The following B3GALNT2 variants were observed in gnomAD, a reference collection of about 807,000 sequenced individuals.
The protein encoded by B3GALNT2 is beta-1,3-N-acetylgalactosaminyltransferase 2.
In B3GALNT2, 53 loss-of-function variants were observed where a neutral mutation model predicts 61.1. That is an observed-to-expected ratio of 0.87 (90% CI 0.70 to 1.09). The LOEUF is 1.09. Among genes scored for constraint, B3GALNT2 ranks in the 50% least tolerant of loss-of-function variants. B3GALNT2 has a pLI of 0.00. For missense variants in B3GALNT2, 544 were observed against 623.0 expected (o/e 0.87, Z 1.35); for synonymous variants, 223 against 237.4 (o/e 0.94, Z 0.56).
downstream of B3GALNT2, among the ~76,000 whole-genome samples, chr1:235,446,484 T>C (rs533332252): frequency 4.9e-4 from 74 of 152,182 alleles, no homozygotes; most frequent in African/African-American, 1.8e-3. Context: ...GCTTAAAACC[T>C]ATACATCCTT....
chr1:235,483,325 G>A (rs142080062), intron 4 of B3GALNT2, among the ~76,000 whole-genome samples: 3 of 152,192 alleles, frequency 2.0e-5, no homozygotes, highest in Admixed American at 1.3e-4. Flanking sequence ...TAGAGAGAGC[G>A]AGCGAAGTCA....
intron 1 of B3GALNT2, among the ~76,000 whole-genome samples, chr1:235,502,117 A>G (rs1449498789): frequency 6.6e-6 from 1 of 152,164 alleles, no homozygotes; most frequent in African/African-American, 2.4e-5. Context: ...GGTTCAAGTG[A>G]TTCTCCTGCC....
chr1:235,440,262 G>A, the B3GALNT2 span, among the ~76,000 whole-genome samples: 138 of 152,230 alleles, frequency 9.1e-4, no homozygotes, highest in African/African-American at 2.4e-3. Flanking sequence ...GAGCCACCGC[G>A]CCCAGCCAGG....
In B3GALNT2 at chr1:235,494,698, A is replaced by C. The variant is rs1354023118; in HGVS notation, c.243T>G (p.His81Gln). ...RSTWMRHLLQ[H>Q]PTLSQRVLVK... ...AAACCTACCGTTGACTTAATGTGGG[A>C]TGCTGTAGCAAATGTCTCATCCAGG... Residue 81 changes from histidine to glutamine, a missense_variant, in exon 2 of 12, where the codon CAT becomes CAG. By Grantham distance (24) the His-to-Gln change is conservative (BLOSUM62 0). Transcript: ENST00000366600. 6.2e-7 allele frequency: 1 copy of C among 1,613,072 alleles called. No individual in the cohort carries two copies. Among genetic ancestry groups the C allele is most frequent in the Non-Finnish European group, 8.5e-7 (1 of 1,179,318 alleles).
chr1:235,496,635 G>A (rs917499647), intron 1 of B3GALNT2, among the ~76,000 whole-genome samples: 9 of 148,774 alleles, frequency 6.0e-5, no homozygotes, highest in Middle Eastern at 3.5e-3. Flanking sequence ...AACCTCTGCC[G>A]CCCGGGTTCA....
chr1:235,489,345 A>G (rs1684955528), intron 2 of B3GALNT2, 77 bp from the exon 3 acceptor site: 64 of 1,576,684 alleles, frequency 4.1e-5, no homozygotes, highest in Non-Finnish European at 5.3e-5. Context: ...CCCATTTCAG[A>G]GCTTTTACTT....
chr1:235,479,641 A>ATC (rs1343075039), intron 5 of B3GALNT2: 2 of 156,914 alleles, frequency 1.3e-5, no homozygotes, highest in East Asian at 3.7e-4. Context: ...AACATGGCCC[A>ATC]TCTCTATCAT....
At position 235,447,380 on chromosome 1, in the gene B3GALNT2, C is replaced by T. The variant is rs1325738825; in HGVS notation, c.*2826G>A. Reference sequence around the variant, plus strand: ...CTAAAGCTTCAAGGAAACTCTATTTCTTATAATCAAAATATCCACTATTTA... The same window carrying T: ...CTAAAGCTTCAAGGAAACTCTATTTTTTATAATCAAAATATCCACTATTTA... On this transcript the variant is annotated 3_prime_UTR_variant, in exon 12 of 12. Transcript: ENST00000366600. Among the ~76,000 whole-genome samples the T allele has an allele frequency of 1.3e-5, 2 of 152,180 alleles. No individual in the cohort carries two copies. The highest frequency in any genetic ancestry group is 2.1e-4 in the South Asian group (1 of 4,826).
At position 235,448,843 on chromosome 1, in the gene B3GALNT2, TCTA is replaced by T; in HGVS notation, c.*1360_*1362del. 9.4e-7 allele frequency: 1 copy of T among 1,067,378 alleles called. No individual in the cohort carries two copies. The highest frequency in any genetic ancestry group is 2.4e-5 in the East Asian group (1 of 41,282). The allele number at this position is 1,067,378 out of a possible 1,614,324, so 66.1% of individuals were successfully genotyped here. On this transcript the variant is annotated 3_prime_UTR_variant, in exon 12 of 12. Coordinates refer to ENST00000366600, the MANE Select transcript of B3GALNT2 (RefSeq NM_152490.5). ...GAAATAAATGATTCACTGGAACAATTCTACTGTCAAAACAAAGGGGGTTTACAA... is the reference window on the plus strand; with the variant it reads ...GAAATAAATGATTCACTGGAACAATTCTGTCAAAACAAAGGGGGTTTACAA...
At chr1:235,494,534 G>A (rs1394490394) in intron 2 of B3GALNT2, 147 bp downstream of exon 2, 6 of 784,630 alleles carry the variant, frequency 7.6e-6, no homozygotes, top group Non-Finnish European at 1.2e-5. Flanking sequence ...ATGGCTCACT[G>A]CAGCCTCAAT....
At chr1:235,503,882 T>TG (rs1322340521) in intron 1 of B3GALNT2, among the ~76,000 whole-genome samples, 2 of 152,094 alleles carry the variant, frequency 1.3e-5, no homozygotes, top group African/African-American at 4.8e-5. Context: ...GCGAAGGACT[T>TG]GCAACTGCGG....
At chr1:235,494,653 AG>A in intron 2 of B3GALNT2, 27 bp downstream of exon 2, 1 of 1,598,630 alleles carries the variant, frequency 6.3e-7, no homozygotes, top group Admixed American at 1.7e-5. Context: ...TCAATAAACC[AG>A]GCAAGGCAAC....
rs563249364 is a variant in B3GALNT2 at position 235,462,220 on chromosome 1, G to A, written c.841+3416C>T. Among the ~76,000 whole-genome samples, 13 of 152,312 alleles carry A rather than the reference G, an allele frequency of 8.5e-5. No homozygotes were observed. In the East Asian group the frequency reaches 2.5e-3, roughly 29 times the overall value. The stretch of plus-strand genomic sequence containing the variant: ...ACAGGAAAATGGCTTGTAACAACAG[G>A]AGTGCAGAAATTAAATACAAGCCTT... On this transcript the variant is annotated intron_variant, in intron 7 of 11. Coordinates refer to ENST00000366600, the MANE Select transcript of B3GALNT2 (RefSeq NM_152490.5).
At chr1:235,487,071 G>A (rs985344252) in intron 3 of B3GALNT2, among the ~76,000 whole-genome samples, 24 of 151,444 alleles carry the variant, frequency 1.6e-4, no homozygotes, top group Admixed American at 1.6e-3. Context: ...TAAGGCAGGA[G>A]AATCGCTTGA....
chr1:235,475,251 C>T lies in B3GALNT2; in HGVS notation c.652-4291G>A, dbSNP rs185733415. ...TGACCTCATGATCCACCCGCCTCGG[C>T]CTCCCAAAGTGCTGGGATTACAGAT... is the stretch of plus-strand genomic sequence containing the variant. On this transcript the variant is annotated intron_variant, in intron 5 of 11. Transcript: ENST00000366600. 3.1e-3 allele frequency among the ~76,000 whole-genome samples: 472 copies of T among 151,906 alleles called. 2 individuals are homozygous for T. The highest frequency in any genetic ancestry group is 0.011 in the African/African-American group (445 of 41,430).
At chr1:235,446,275 A>C (rs1682278768), downstream of B3GALNT2, among the ~76,000 whole-genome samples, 1 of 152,044 alleles carries the variant, frequency 6.6e-6, no homozygotes, top group South Asian at 2.1e-4. Context: ...TTCCGGGTTC[A>C]AGCAACTCTC....
At chr1:235,474,987 ATT>A (rs1160445883) in intron 5 of B3GALNT2, among the ~76,000 whole-genome samples, 35 of 35,546 alleles carry the variant, frequency 9.8e-4, no homozygotes, top group East Asian at 1.8e-3. Flanking sequence ...ATATATATAT[ATT>A]TTTTTTTTTT....
chr1:235,463,668 G>C (rs1251510517), intron 7 of B3GALNT2: 1 of 148,544 alleles, frequency 6.7e-6, no homozygotes, highest in Non-Finnish European at 1.5e-5. Context: ...CCAGGTTCAA[G>C]CGATTCTTCT....
chr1:235,464,018 G>A (rs1683565183), intron 7 of B3GALNT2: 1 of 152,196 alleles, frequency 6.6e-6, no homozygotes, highest in African/African-American at 2.4e-5. Context: ...TGGGTGCTGG[G>A]ACAACTGGAT....
Sources: allele counts gnomAD v4.1 joint callset (sites outside exome capture counted in the v4.1 genomes callset), GRCh38; gene constraint gnomAD v4.1.1; transcripts MANE v1.5; gene names NCBI Gene and HGNC (gene_info 2026-07-23, HGNC 2026-07-21).